MSI2: variants seen among roughly 807,000 people sequenced by gnomAD.
The protein encoded by MSI2 is musashi RNA binding protein 2.
MSI2 carries 17 observed loss-of-function variants against 45.6 expected under a neutral mutation model. That is an observed-to-expected ratio of 0.37 (90% confidence interval 0.26 to 0.56). MSI2 has a LOEUF of 0.56. MSI2 is among the 20% of genes least tolerant of loss of function. MSI2 has a pLI of 0.77. For synonymous variants in MSI2, 156 were observed against 158.2 expected (o/e 0.99, Z 0.11); for missense variants, 293 against 444.2 (o/e 0.66, Z 3.06).
intron 5 of MSI2, among the ~76,000 whole-genome samples, chr17:57,356,447 G>T (rs983157108): frequency 6.6e-6 from 1 of 152,072 alleles, no homozygotes; most frequent in Non-Finnish European, 1.5e-5. Context: ...TTAGCAATCC[G>T]ACATAGACAT....
chr17:57,536,890 T>G (rs191818856), intron 7 of MSI2, among the ~76,000 whole-genome samples: 1 of 152,130 alleles, frequency 6.6e-6, no homozygotes, highest in East Asian at 1.9e-4. Flanking sequence ...CTTTCCAGAG[T>G]GGACCATTGT....
At chr17:57,470,728 C>A (rs2085419996) in intron 6 of MSI2, among the ~76,000 whole-genome samples, 1 of 152,234 alleles carries the variant, frequency 6.6e-6, no homozygotes, top group African/African-American at 2.4e-5. Flanking sequence ...GTGCTCCTGG[C>A]AGCCAGCAGC....
chr17:57,269,160 C>T (rs944896985), intron 5 of MSI2, among the ~76,000 whole-genome samples: 18 of 152,212 alleles, frequency 1.2e-4, no homozygotes, highest in African/African-American at 3.6e-4. Flanking sequence ...TTCTTCCTTC[C>T]GGCTAGGCAC....
chr17:57,444,088 C>G (rs2084851085), intron 6 of MSI2, among the ~76,000 whole-genome samples: 1 of 152,098 alleles, frequency 6.6e-6, no homozygotes, highest in African/African-American at 2.4e-5. Context: ...CCCCATTCCC[C>G]TCACCCCAAA....
chr17:57,401,236 C>T (rs1192989284), intron 5 of MSI2, 143 bp from the exon 6 acceptor site: 3 of 650,882 alleles, frequency 4.6e-6, no homozygotes, highest in African/African-American at 3.6e-5. Context: ...CCTTAGACAT[C>T]TAAACGCCCG....
chr17:57,509,705 G>T (rs1333616946), intron 6 of MSI2, among the ~76,000 whole-genome samples: 2 of 152,146 alleles, frequency 1.3e-5, no homozygotes, highest in Admixed American at 6.5e-5. Flanking sequence ...ACAGGCGTGA[G>T]CCACCATGCC....
chr17:57,520,025 C>T (rs1452929651), intron 6 of MSI2, among the ~76,000 whole-genome samples: 4 of 151,536 alleles, frequency 2.6e-5, no homozygotes, highest in Non-Finnish European at 4.4e-5. Context: ...AGACCCCATC[C>T]CTACAAAAAA....
chr17:57,614,200 G>A (rs1421052593), intron 8 of MSI2, among the ~76,000 whole-genome samples: 15 of 152,060 alleles, frequency 9.9e-5, no homozygotes, highest in Non-Finnish European at 2.9e-5. Flanking sequence ...ACAGGAGCAT[G>A]CCACCACACC....
intron 6 of MSI2, among the ~76,000 whole-genome samples, chr17:57,424,570 A>G (rs2084456879): frequency 2.0e-5 from 3 of 152,094 alleles, no homozygotes; most frequent in Non-Finnish European, 4.4e-5. Flanking sequence ...GGCCTCCTGG[A>G]GTCTGTGTGG....
At chr17:57,664,519 A>G (rs1912229740) in intron 11 of MSI2, among the ~76,000 whole-genome samples, 3 of 152,112 alleles carry the variant, frequency 2.0e-5, no homozygotes, top group Admixed American at 6.5e-5. Flanking sequence ...CTCCCTCTCA[A>G]AAAAGGGGAA....
intron 6 of MSI2, among the ~76,000 whole-genome samples, chr17:57,482,015 C>T (rs990161957): frequency 1.3e-5 from 2 of 152,164 alleles, no homozygotes; most frequent in African/African-American, 4.8e-5. Context: ...GTCAGTCCAC[C>T]GGCCCAACCA....
intron 6 of MSI2, among the ~76,000 whole-genome samples, chr17:57,477,395 C>A (rs2085562758): frequency 6.6e-6 from 1 of 152,140 alleles, no homozygotes; most frequent in South Asian, 2.1e-4. Flanking sequence ...CTTGACACTG[C>A]TGATCACAAA....
chr17:57,698,892 AGTGTGTGTGTGTGTGTGTGTGT>A, the MSI2 span, among the ~76,000 whole-genome samples: 9 of 118,698 alleles, frequency 7.6e-5, no homozygotes, highest in South Asian at 6.5e-4. Flanking sequence ...GATACAAGGA[AGTGTGTGTGTGTGTGTGTGTGT>A]GTGTGTGTGT....
intron 5 of MSI2, among the ~76,000 whole-genome samples, chr17:57,338,797 G>C (rs1914893208): frequency 6.6e-6 from 1 of 152,220 alleles, no homozygotes; most frequent in Non-Finnish European, 1.5e-5. Flanking sequence ...AGCTCACGCA[G>C]GGACTGCCCT....
At chr17:57,597,032 T>A in intron 8 of MSI2, 82 bp downstream of exon 8, 5 of 1,028,300 alleles carry the variant, frequency 4.9e-6, no homozygotes, top group Non-Finnish European at 7.6e-6. Context: ...GTCCAGCCCA[T>A]CATCAGGCTG....
chr17:57,502,610 T>TAC, intron 6 of MSI2, among the ~76,000 whole-genome samples: 1 of 100,912 alleles, frequency 9.9e-6, no homozygotes, highest in South Asian at 3.1e-4. Flanking sequence ...GAGATATATA[T>TAC]ATATATATAT....
chr17:57,492,398 T>G (rs1050806119), intron 6 of MSI2, among the ~76,000 whole-genome samples: 5 of 152,248 alleles, frequency 3.3e-5, no homozygotes, highest in African/African-American at 1.2e-4. Flanking sequence ...AAAAACCTTG[T>G]AGCATTTGAC....
At chr17:57,535,169 G>T (rs1290680803) in intron 7 of MSI2, among the ~76,000 whole-genome samples, 8 of 152,222 alleles carry the variant, frequency 5.3e-5, no homozygotes, top group Admixed American at 3.9e-4. Context: ...TGGAGAAAGT[G>T]GAATGCGGGC....
At chr17:57,656,119 G>C (rs1032057323) in intron 11 of MSI2, among the ~76,000 whole-genome samples, 15 of 152,258 alleles carry the variant, frequency 9.9e-5, no homozygotes, top group South Asian at 2.1e-4. Context: ...CTGAAGGATA[G>C]TGCGGGGACC....
Sources: allele counts gnomAD v4.1 joint callset (sites outside exome capture counted in the v4.1 genomes callset), GRCh38; gene constraint gnomAD v4.1.1; transcripts MANE v1.5; gene names NCBI Gene and HGNC (gene_info 2026-07-23, HGNC 2026-07-21).